Variants in TENM3 observed in about 807,000 individuals in gnomAD.
TENM3 encodes the protein teneurin transmembrane protein 3.
A neutral mutation model predicts 255.1 loss-of-function variants in TENM3; 63 were observed. That is an observed-to-expected ratio of 0.25 (90% CI 0.20 to 0.30). The LOEUF (loss-of-function observed/expected upper bound fraction) is 0.30, where lower values mean the gene tolerates loss of function less well. Among genes scored for constraint, TENM3 ranks in the 10% least tolerant of loss-of-function variants. TENM3 has a pLI of 1.00. For missense variants in TENM3, 2,929 were observed against 3,461.1 expected (o/e 0.85, Z 3.86); for synonymous variants, 1,306 against 1,322.3 (o/e 0.99, Z 0.27).
chr4:182,689,949 TA>T (rs1418549271), intron 12 of TENM3, among the ~76,000 whole-genome samples: 1 of 152,246 alleles, frequency 6.6e-6, no homozygotes, highest in Non-Finnish European at 1.5e-5. Context: ...CAGAGAAGCC[TA>T]AAGATGGACT....
Position 182,664,813 on chromosome 4 carries a change from T to C in TENM3, c.1112-8192T>C, listed in dbSNP as rs181894831. ...GCTAAAGCCTACTCCAGAGCAAGGC[T>C]GTCTCTTCAAATCTATGAAGGCTGA... On this transcript the variant is annotated intron_variant, in intron 6 of 27. Transcript: ENST00000511685. Among the ~76,000 whole-genome samples the C allele has an allele frequency of 2.2e-3, 342 of 152,308 alleles. 4 individuals carry two copies. Among genetic ancestry groups the C allele is most frequent in the African/African-American group, 8.1e-3 (335 of 41,574 alleles).
chr4:182,594,937 C>T (rs1014497847), intron 3 of TENM3, among the ~76,000 whole-genome samples: 4 of 151,980 alleles, frequency 2.6e-5, no homozygotes, highest in Admixed American at 6.6e-5. Context: ...AGGCTGGTCT[C>T]GAACTCCTGA....
At chr4:181,450,886 C>T in the TENM3 span, among the ~76,000 whole-genome samples, 1,687 of 152,268 alleles carry the variant, frequency 0.011, 35 homozygotes, top group African/African-American at 0.036. Context: ...AAAAGAAACA[C>T]TTAAGAAAAG....
chr4:182,662,905 G>A (rs573339268), intron 6 of TENM3, among the ~76,000 whole-genome samples: 3 of 152,278 alleles, frequency 2.0e-5, no homozygotes, highest in South Asian at 4.1e-4. Flanking sequence ...GCTGTGACTT[G>A]AAAAGCAGCA....
chr4:181,769,558 T>G, the TENM3 span, among the ~76,000 whole-genome samples: 1 of 152,218 alleles, frequency 6.6e-6, no homozygotes, highest in Non-Finnish European at 1.5e-5. Context: ...TAAAACATTT[T>G]CTGATTTTAA....
At chr4:181,725,415 T>C in the TENM3 span, among the ~76,000 whole-genome samples, 1 of 79,202 alleles carries the variant, frequency 1.3e-5, no homozygotes, top group Admixed American at 1.8e-4. Context: ...ACATTCTTTT[T>C]CTTTCTTTTT....
intron 24 of TENM3, among the ~76,000 whole-genome samples, chr4:182,783,806 T>G (rs1765381246): frequency 6.6e-6 from 1 of 152,180 alleles, no homozygotes; most frequent in African/African-American, 2.4e-5. Context: ...TTCATTCATT[T>G]CATCTTCCAT....
the TENM3 span, among the ~76,000 whole-genome samples, chr4:181,888,081 G>A: frequency 1.3e-5 from 2 of 151,924 alleles, no homozygotes; most frequent in Non-Finnish European, 2.9e-5. Flanking sequence ...CCAGGCTGGA[G>A]TGCAGTGGAA....
At chr4:181,621,789 G>A in the TENM3 span, among the ~76,000 whole-genome samples, 1 of 152,140 alleles carries the variant, frequency 6.6e-6, no homozygotes, top group Admixed American at 6.5e-5. Context: ...CCTGAGCAAG[G>A]AACTCCTAAG....
chr4:181,994,557 T>TTTG, the TENM3 span, among the ~76,000 whole-genome samples: 1,419 of 149,140 alleles, frequency 9.5e-3, 22 homozygotes, highest in African/African-American at 0.033. Context: ...TTTGTGGGTT[T>TTTG]TTTTTTTTTT....
At chr4:181,955,258 T>C in the TENM3 span, among the ~76,000 whole-genome samples, 1 of 152,202 alleles carries the variant, frequency 6.6e-6, no homozygotes. Flanking sequence ...TATCCCATTA[T>C]GGGAGGGGAA....
At position 182,389,918 on chromosome 4, in the gene TENM3, C is replaced by G. The variant is rs1220890239; in HGVS notation, c.511+42989C>G. Among the ~76,000 whole-genome samples the G allele has an allele frequency of 3.9e-5, 6 of 152,134 alleles. No individual in the cohort carries two copies. In the East Asian group the frequency reaches 1.2e-3, roughly 29 times the overall value. ...GCCAGGATGGTCTCCGTCTCCTGAC[C>G]TCGTGATCCGCCCGCCTCAGCCTCT... On this transcript the variant is annotated intron_variant, in intron 3 of 27. Transcript: ENST00000511685.
chr4:182,217,477 G>A (rs960133562), intron 1 of TENM3, among the ~76,000 whole-genome samples: 2 of 152,150 alleles, frequency 1.3e-5, no homozygotes, highest in Non-Finnish European at 2.9e-5. Context: ...TGAACCCCTC[G>A]CCTAACCTAG....
At chr4:181,592,345 T>G in the TENM3 span, among the ~76,000 whole-genome samples, 1 of 151,216 alleles carries the variant, frequency 6.6e-6, no homozygotes, top group East Asian at 1.9e-4. Flanking sequence ...TTTTTTTTTT[T>G]TTTTTTTAAA....
At chr4:182,077,063 A>C in the TENM3 span, among the ~76,000 whole-genome samples, 1 of 152,126 alleles carries the variant, frequency 6.6e-6, no homozygotes, top group Non-Finnish European at 1.5e-5. Context: ...AGCATTTTCC[A>C]ACTTCCGAAC....
chr4:182,230,387 G>T (rs1440906160), intron 1 of TENM3, among the ~76,000 whole-genome samples: 1 of 152,128 alleles, frequency 6.6e-6, no homozygotes, highest in Non-Finnish European at 1.5e-5. Flanking sequence ...CTCAGCACGT[G>T]CACTAGGATG....
intron 3 of TENM3, among the ~76,000 whole-genome samples, chr4:182,444,773 T>C (rs1178939157): frequency 6.6e-6 from 1 of 152,150 alleles, no homozygotes; most frequent in African/African-American, 2.4e-5. Context: ...ATTTAAACGG[T>C]GAACTACACT....
At chr4:181,771,344 A>G in the TENM3 span, among the ~76,000 whole-genome samples, 4 of 152,320 alleles carry the variant, frequency 2.6e-5, no homozygotes, top group East Asian at 5.8e-4. Flanking sequence ...GTAATAGGTG[A>G]TGCACTGGAA....
chr4:182,139,366 G>A (rs748383584), upstream of TENM3, among the ~76,000 whole-genome samples: 1 of 152,154 alleles, frequency 6.6e-6, no homozygotes, highest in Non-Finnish European at 1.5e-5. Context: ...TGTTCAATTT[G>A]TCTGATACTG....
Sources: allele counts gnomAD v4.1 joint callset (sites outside exome capture counted in the v4.1 genomes callset), GRCh38; gene constraint gnomAD v4.1.1; transcripts MANE v1.5; gene names NCBI Gene and HGNC (gene_info 2026-07-23, HGNC 2026-07-21).